MUC4: variants seen among roughly 807,000 people sequenced by gnomAD.
MUC4 encodes mucin-4.
Under a neutral mutation model 257.9 loss-of-function variants are expected in MUC4, and 202 were observed. The observed-to-expected ratio is 0.78, with a 90% CI of 0.70 to 0.88. The LOEUF is 0.88. MUC4 is among the 40% of genes least tolerant of loss of function. MUC4 has a pLI of 0.00. For synonymous variants in MUC4, 2,351 were observed against 2,757.1 expected (o/e 0.85, Z 4.62); for missense variants, 5,976 against 6,513.7 (o/e 0.92, Z 2.84).
rs1392883390 is a variant in MUC4 at position 195,798,582 on chromosome 3, T to C, written c.83-7085A>G. The stretch of plus-strand genomic sequence containing the variant: ...AGCCGGGCGTGGTGGCGGGCGCCTG[T>C]AGTCCCAGCTACTCGGGAGGCTGAG... On this transcript the variant is annotated intron_variant, in intron 1 of 24. Coordinates refer to ENST00000463781, the MANE Select transcript of MUC4 (RefSeq NM_018406.7). 2.0e-5 allele frequency among the ~76,000 whole-genome samples: 3 copies of C among 150,142 alleles called. No homozygotes were observed. The East Asian group carries it at 6.1e-4, about 30-fold the overall frequency.
At chr3:195,801,847 C>A (rs1245554994) in intron 1 of MUC4, among the ~76,000 whole-genome samples, 1 of 152,094 alleles carries the variant, frequency 6.6e-6, no homozygotes, top group Non-Finnish European at 1.5e-5. Flanking sequence ...CCGGCGGCCC[C>A]GTGCCACCAC....
chr3:195,759,037 T>C (rs997439977), intron 17 of MUC4, 87 bp downstream of exon 17: 1 of 1,498,992 alleles, frequency 6.7e-7, no homozygotes, highest in South Asian at 1.2e-5. Flanking sequence ...TGTTGCTGGG[T>C]GTAGCAATGC....
chr3:195,764,948 G>A (rs1720103976), intron 10 of MUC4, 49 bp downstream of exon 10: 1 of 1,598,732 alleles, frequency 6.3e-7, no homozygotes, highest in Non-Finnish European at 8.5e-7. Context: ...CATGCTGAGG[G>A]TCCCCTACTT....
At chr3:195,750,136 C>T (rs1415677358) in intron 23 of MUC4, 1 of 152,296 alleles carries the variant, frequency 6.6e-6, no homozygotes, top group African/African-American at 2.4e-5. Flanking sequence ...GCGGCCCCTG[C>T]CCTGTTCTCT....
intron 13 of MUC4, 32 bp from the exon 14 acceptor site, chr3:195,762,286 C>G: frequency 6.5e-7 from 1 of 1,544,498 alleles, no homozygotes; most frequent in Admixed American, 2.0e-5. Context: ...GAGAGGAAGC[C>G]AGGTCGGCAC....
At chr3:195,802,802 C>T (rs1405303930) in intron 1 of MUC4, among the ~76,000 whole-genome samples, 1 of 152,206 alleles carries the variant, frequency 6.6e-6, no homozygotes, top group Non-Finnish European at 1.5e-5. Flanking sequence ...CTGCGGGAGA[C>T]ATTGTTCAGT....
chr3:195,762,325 CG>C, intron 13 of MUC4, 71 bp from the exon 14 acceptor site: 1 of 1,457,710 alleles, frequency 6.9e-7, no homozygotes. Flanking sequence ...CGCGCCCTGC[CG>C]GGCCCGCACC....
At position 195,789,535 on chromosome 3, in the gene MUC4, A is replaced by C. The variant is rs542919815; in HGVS notation, c.2045T>G (p.Val682Gly). The change falls in exon 2 of 25, where the codon GTT (valine) becomes GGT (glycine). Residue 682 changes from valine (V) to glycine (G), a missense_variant. Val to Gly is a moderately radical substitution (Grantham distance 109, BLOSUM62 -3). Coordinates refer to ENST00000463781, the MANE Select transcript of MUC4 (RefSeq NM_018406.7). ...TASGHSPSEI[V>G]PQDAPTISAA... ...ACTTATGGTGGGTGCGTCCTGAGGA[A>C]CAATTTCTGAGGGCGAGTGCCCACT... 3 of 1,613,736 alleles carry C rather than the reference A, an allele frequency of 1.9e-6. No homozygotes were observed. Among genetic ancestry groups the C allele is most frequent in the African/African-American group, 2.7e-5 (2 of 74,964 alleles).
intron 1 of MUC4, among the ~76,000 whole-genome samples, chr3:195,803,864 A>G (rs1456236727): frequency 6.6e-6 from 1 of 152,028 alleles, no homozygotes; most frequent in African/African-American, 2.4e-5. Context: ...ACCTGCCCCA[A>G]GTTCTTGGAC....
At chr3:195,767,787 T>TCGCCACCATCACCCCCAACACCACCAC (rs1721587401) in intron 7 of MUC4, among the ~76,000 whole-genome samples, 1 of 40,276 alleles carries the variant, frequency 2.5e-5, no homozygotes, top group Non-Finnish European at 5.1e-5. Flanking sequence ...ATCACCACCA[T>TCGCCACCATCACCCCCAACACCACCAC]CATTGCCACC....
chr3:195,748,883 T>C lies in MUC4; in HGVS notation c.16034+19A>G, dbSNP rs1166390823. 1.3e-6 allele frequency: 2 copies of C among 1,546,272 alleles called. No individual in the cohort carries two copies. Among genetic ancestry groups the C allele is most frequent in the Non-Finnish European group, 1.7e-6 (2 of 1,150,204 alleles). ...TTCCCCAGCACTGTCCTCCACCTCC[T>C]GGCCACAGCCCTATGCACCTGCAGC... On this transcript the variant is annotated intron_variant, in intron 24 of 24. Transcript: ENST00000463781.
At chr3:195,769,278 A>G in intron 6 of MUC4, 126 bp from the exon 7 acceptor site, 8 of 1,383,196 alleles carry the variant, frequency 5.8e-6, no homozygotes, top group Non-Finnish European at 7.7e-6. Flanking sequence ...GTCTGCCCAC[A>G]GCAAAGACAT....
Position 195,757,451 on chromosome 3 carries a change from T to C in MUC4, c.14987-123A>G, listed in dbSNP as rs903749046. The C allele has an allele frequency of 1.0e-5, 9 of 892,410 alleles. No individual in the cohort carries two copies. The East Asian group carries it at 1.1e-4, about 11-fold the overall frequency. 55.3% of individuals were successfully genotyped at this position (892,410 alleles called of 1,614,324 possible). On this transcript the variant is annotated intron_variant, in intron 17 of 24. Coordinates refer to ENST00000463781, the MANE Select transcript of MUC4 (RefSeq NM_018406.7). The surrounding 1 kb of genome is among the most constrained non-coding windows in gnomAD (Gnocchi z 4.8). ...CCTCCCCCTCCCCAGACAAATCTCATTGGTCATTTCCTTTGAGCAAGGCTG... is the reference window on the plus strand; with the variant it reads ...CCTCCCCCTCCCCAGACAAATCTCACTGGTCATTTCCTTTGAGCAAGGCTG...
At chr3:195,802,585 G>A (rs1463907339) in intron 1 of MUC4, among the ~76,000 whole-genome samples, 4 of 152,064 alleles carry the variant, frequency 2.6e-5, no homozygotes, top group Admixed American at 6.6e-5. Flanking sequence ...CGTAGGTCCC[G>A]GGGGCGTGGG....
Position 195,788,651 on chromosome 3 carries a change from G to T in MUC4, c.2929C>A (p.Leu977Ile), listed in dbSNP as rs1328013880. The T allele has an allele frequency of 1.9e-6, 3 of 1,610,732 alleles. No individual in the cohort carries two copies. The highest frequency in any genetic ancestry group is 1.3e-5 in the African/African-American group (1 of 74,900). The change falls in exon 2 of 25, where the codon CTT becomes ATT. Residue 977 changes from leucine to isoleucine, a missense_variant. Leu to Ile is a conservative substitution (Grantham distance 5, BLOSUM62 2). Transcript: ENST00000463781. ...GCCGAGGAAGCGTAGGTGACAGGAA[G>T]AGGGGTGGCGTTGCTGATGAGGGCC... ...TTALISNATP[L>I]PVTYASSAST...
In MUC4 at chr3:195,778,815, G is replaced by C. The variant is rs1160993541; in HGVS notation, c.12765C>G (p.Asp4255Glu). ...SATSASTVSS[D>E]SPLKMETPGM... The stretch of plus-strand genomic sequence containing the variant: ...CTGGTGTTTCCATCTTCAGAGGGGA[G>C]TCCGAGGATACTGTGGAAGCTGAGG... Residue 4255 changes from aspartate to glutamate, a missense_variant, in exon 2 of 25, where the codon GAC becomes GAG. Transcript: ENST00000463781. 4 of 1,612,094 alleles carry C rather than the reference G, an allele frequency of 2.5e-6. No homozygotes were observed. The highest frequency in any genetic ancestry group is 3.4e-6 in the Non-Finnish European group (4 of 1,179,390).
At chr3:195,804,839 G>A (rs1375549268) in intron 1 of MUC4, among the ~76,000 whole-genome samples, 1 of 152,236 alleles carries the variant, frequency 6.6e-6, no homozygotes, top group Non-Finnish European at 1.5e-5. Context: ...ACTGTGACCA[G>A]GGTTGTGTCC....
At position 195,747,010 on chromosome 3, in the gene MUC4, A is replaced by C; in HGVS notation, c.*166T>G. On this transcript the variant is annotated 3_prime_UTR_variant, in exon 25 of 25. Transcript: ENST00000463781. ...GGCCTCCCCCTGTGCACCTGCGCCT[A>C]TGGATAAGGTATAGTCTTGTCTTGA... 1 of 1,005,594 alleles carries C rather than the reference A, an allele frequency of 9.9e-7. No homozygotes were observed. Among genetic ancestry groups the C allele is most frequent in the South Asian group, 1.6e-5 (1 of 60,628 alleles). 62.3% of individuals were successfully genotyped at this position (1,005,594 alleles called of 1,614,324 possible). A position where few individuals can be genotyped will look rare whatever the true frequency, so the allele number is the denominator to read the frequency against.
intron 3 of MUC4, among the ~76,000 whole-genome samples, chr3:195,777,899 G>GGCCATACCTTCCACAC (rs1560290016): frequency 3.1e-5 from 1 of 31,976 alleles, no homozygotes; most frequent in East Asian, 4.4e-4. Flanking sequence ...ACCTTCCACA[G>GGCCATACCTTCCACAC]CCATACCTTC....
Sources: allele counts gnomAD v4.1 joint callset (sites outside exome capture counted in the v4.1 genomes callset), GRCh38; gene constraint gnomAD v4.1.1; non-coding constraint Gnocchi (gnomAD v3.1); transcripts MANE v1.5; gene names NCBI Gene and HGNC (gene_info 2026-07-23, HGNC 2026-07-21).